SYNE1: variants seen among roughly 807,000 people sequenced by gnomAD.
The protein encoded by SYNE1 is nesprin-1.
SYNE1 carries 616 observed loss-of-function variants against 1,111.0 expected under a neutral mutation model. The ratio of observed to expected loss-of-function variants is 0.55; its 90% CI spans 0.52 to 0.59. The LOEUF is 0.59. Among genes scored for constraint, SYNE1 ranks in the 20% least tolerant of loss-of-function variants. SYNE1 has a pLI of 0.00. For missense variants in SYNE1, 10,006 were observed against 10,417.0 expected (o/e 0.96, Z 1.72); for synonymous variants, 3,855 against 3,825.8 (o/e 1.01, Z -0.28).
intron 121 of SYNE1, among the ~76,000 whole-genome samples, chr6:152,216,792 A>G (rs28439987): frequency 0.061 from 9,254 of 152,266 alleles, 932 homozygotes; most frequent in African/African-American, 0.21. Flanking sequence ...ACAGTGGCTC[A>G]TGCCTGTAAT....
In SYNE1 at chr6:152,242,402, C is replaced by T; in HGVS notation, c.19731G>A (p.Arg6577=). ...TAAGGTTCTGATTCAGACCACTCCTCCGGGAGCCAATGATCATCATCAGCT... is the reference window on the plus strand; with the variant it reads ...TAAGGTTCTGATTCAGACCACTCCTTCGGGAGCCAATGATCATCATCAGCT... ...YDELMMIIGS[R]RSGLNQNLTL... The change falls in exon 107 of 146, where the codon CGG becomes CGA. Residue 6577 remains arginine (R), a synonymous_variant. Transcript: ENST00000367255. 6.2e-7 allele frequency: 1 copy of T among 1,614,042 alleles called. No homozygotes were observed. Among genetic ancestry groups the T allele is most frequent in the Non-Finnish European group, 8.5e-7 (1 of 1,180,010 alleles).
rs997731221 is a variant in SYNE1 at position 152,359,440 on chromosome 6, G to A, written c.10318C>T (p.Leu3440=). The A allele has an allele frequency of 3.7e-6, 6 of 1,614,056 alleles. No homozygotes were observed. Among genetic ancestry groups the A allele is most frequent in the Non-Finnish European group, 4.2e-6 (5 of 1,180,044 alleles). Residue 3440 remains leucine, a synonymous_variant, in exon 65 of 146, where the codon CTG becomes TTG. Coordinates refer to ENST00000367255, the MANE Select transcript of SYNE1 (RefSeq NM_182961.4). The part of the protein sequence containing the change: ...GKAKLLNEEV[L]SYSSLLETIE... ...GTCTCCAGCAAGCTGCTGTAACTCA[G>A]CACTTCTTCATTTAATAACTAGAGA...
chr6:152,171,855 T>C (rs989006305), intron 130 of SYNE1, among the ~76,000 whole-genome samples: 1 of 152,190 alleles, frequency 6.6e-6, no homozygotes, highest in African/African-American at 2.4e-5. Context: ...AACACGCTAA[T>C]AGCAACAGAG....
At chr6:152,141,513 T>C (rs2058550535) in intron 138 of SYNE1, among the ~76,000 whole-genome samples, 184 bp from the exon 139 acceptor site, 1 of 152,150 alleles carries the variant, frequency 6.6e-6, no homozygotes, top group Non-Finnish European at 1.5e-5. Flanking sequence ...TCCCAGCACT[T>C]TGGGAGGCCG....
At chr6:152,201,646 T>C (rs1587688140) in intron 127 of SYNE1, among the ~76,000 whole-genome samples, 178 bp downstream of exon 127, 1 of 152,340 alleles carries the variant, frequency 6.6e-6, no homozygotes. Context: ...AGTCTATAAT[T>C]TCATCAACTG....
intron 107 of SYNE1, 23 bp downstream of exon 107, chr6:152,242,217 T>C (rs557144926): frequency 1.3e-6 from 2 of 1,594,768 alleles, no homozygotes; most frequent in African/African-American, 1.3e-5. Context: ...ATTTTCTCTC[T>C]ATCACTCTTT....
At chr6:152,288,246 C>T (rs1363350858) in intron 95 of SYNE1, among the ~76,000 whole-genome samples, 1 of 152,046 alleles carries the variant, frequency 6.6e-6, no homozygotes, top group Admixed American at 6.6e-5. Flanking sequence ...ATTTATAGTG[C>T]CTCCTACCCA....
At chr6:152,398,770 C>A (rs769666331) in intron 48 of SYNE1, 39 bp from the exon 49 acceptor site, 5 of 1,540,410 alleles carry the variant, frequency 3.2e-6, no homozygotes, top group Non-Finnish European at 8.9e-7. Context: ...AATAAAAAAT[C>A]AGAAGCAAAT....
intron 134 of SYNE1, 55 bp downstream of exon 134, chr6:152,151,904 A>C (rs754010587): frequency 1.3e-6 from 2 of 1,597,752 alleles, no homozygotes; most frequent in African/African-American, 1.3e-5. Flanking sequence ...ACTGCATTCA[A>C]ATGGCCCAGT....
chr6:152,274,723 A>G (rs973415694), intron 98 of SYNE1, among the ~76,000 whole-genome samples: 6 of 151,924 alleles, frequency 3.9e-5, no homozygotes, highest in African/African-American at 1.5e-4. Flanking sequence ...CAGCCTCCTG[A>G]GTAGCTGGGA....
chr6:152,122,814 C>G, intron 145 of SYNE1, 138 bp from the exon 146 acceptor site: 1 of 1,322,056 alleles, frequency 7.6e-7, no homozygotes, highest in Non-Finnish European at 1.1e-6. Context: ...CAGCCTTCCA[C>G]AGTGTGCCCA....
chr6:152,403,671 G>A lies in SYNE1; in HGVS notation c.6825+542C>T, dbSNP rs1011240112. ...TGGGAGGCAGAGGTTGCAGTAAGCC[G>A]AGATTGCACCACTGCACTCCACCCT... On this transcript the variant is annotated intron_variant, in intron 46 of 145. Coordinates refer to ENST00000367255, the MANE Select transcript of SYNE1 (RefSeq NM_182961.4). Among the ~76,000 whole-genome samples, 27 of 152,034 alleles carry A rather than the reference G, an allele frequency of 1.8e-4. 1 individual carries two copies. Among genetic ancestry groups the A allele is most frequent in the Non-Finnish European group, 1.9e-4 (13 of 68,006 alleles).
rs922668426 is a variant in SYNE1, at chr6:152,381,169, C to T, written c.8846G>A (p.Ser2949Asn). Reference protein sequence around the residue: ...QTQSCLENLVSQMALSEQEFS... With the variant: ...QTQSCLENLVNQMALSEQEFS... ...TTCCTGCTCCGAAAGGGCCATCTGG[C>T]TGACCAGGTTCTCCAAACAGCTCTG... The change falls in exon 56 of 146, where the codon AGC (serine) becomes AAC (asparagine). Residue 2949 changes from serine (S) to asparagine (N), a missense_variant. Transcript: ENST00000367255. 10 of 1,614,218 alleles carry T rather than the reference C, an allele frequency of 6.2e-6. No homozygotes were observed. The highest frequency in any genetic ancestry group is 8.5e-6 in the Non-Finnish European group (10 of 1,180,042).
rs1367847309 is a variant in SYNE1 at position 152,469,313 on chromosome 6, T to TTTA, written c.1632+2283_1632+2284insTAA. 5.3e-5 allele frequency among the ~76,000 whole-genome samples: 8 copies of TTTA among 151,926 alleles called. No homozygotes were observed. The East Asian group carries it at 7.7e-4, about 15-fold the overall frequency. ...TGTTCCCTAGAAAAATTCCTACCATTTCATTATTATTATTATTATCATCAT... is the reference window on the plus strand; with the variant it reads ...TGTTCCCTAGAAAAATTCCTACCATTTTATCATTATTATTATTATTATCATCAT... On this transcript the variant is annotated intron_variant, in intron 16 of 145. Transcript: ENST00000367255.
chr6:152,179,709 A>C (rs1195976135), intron 129 of SYNE1, among the ~76,000 whole-genome samples: 2 of 85,826 alleles, frequency 2.3e-5, no homozygotes, highest in African/African-American at 5.7e-5. Context: ...TTTTTGAGAC[A>C]GAGTCTCGTT....
intron 3 of SYNE1, among the ~76,000 whole-genome samples, chr6:152,551,284 C>A (rs1595183559): frequency 6.6e-6 from 1 of 152,190 alleles, no homozygotes; most frequent in East Asian, 1.9e-4. Context: ...AACAAGGAAG[C>A]TAAAGAATAG....
chr6:152,578,352 C>T (rs144578247), intron 3 of SYNE1, among the ~76,000 whole-genome samples: 3 of 152,024 alleles, frequency 2.0e-5, no homozygotes, highest in Admixed American at 6.6e-5. Context: ...CCCAGCACTT[C>T]GGGAAGCTGA....
At chr6:152,458,465 A>AT (rs1212443918) in intron 22 of SYNE1, among the ~76,000 whole-genome samples, 1 of 152,006 alleles carries the variant, frequency 6.6e-6, no homozygotes, top group African/African-American at 2.4e-5. Flanking sequence ...AAAACAAACC[A>AT]TTTTTTCTAA....
intron 143 of SYNE1, among the ~76,000 whole-genome samples, chr6:152,132,418 C>T (rs545835408): frequency 1.7e-4 from 26 of 152,234 alleles, no homozygotes; most frequent in African/African-American, 5.1e-4. Context: ...CCTAGCTGTC[C>T]GTTTGGCCGT....
Sources: gnomAD v4.1 joint callset for allele counts (sites outside exome capture counted in the v4.1 genomes callset) on GRCh38, gnomAD v4.1.1 for gene constraint, MANE v1.5 for transcripts, NCBI Gene and HGNC (gene_info 2026-07-23, HGNC 2026-07-21) for gene names.